COL23A1: variants seen among roughly 807,000 people sequenced by gnomAD.
The protein encoded by COL23A1 is collagen alpha-1(XXIII) chain.
Under a neutral mutation model 99.3 loss-of-function variants are expected in COL23A1, and 97 were observed. The observed-to-expected ratio is 0.98, with a 90% CI of 0.83 to 1.16. COL23A1 has a LOEUF of 1.16. Ranked by LOEUF, COL23A1 falls within the 50% of genes most tolerant of loss-of-function variation. The pLI is 0.00. For synonymous variants in COL23A1, 320 were observed against 308.2 expected (o/e 1.04, Z -0.40); for missense variants, 762 against 757.4 (o/e 1.01, Z -0.07).
intron 25 of COL23A1, among the ~76,000 whole-genome samples, chr5:178,243,094 G>A (rs1022281392): frequency 5.9e-5 from 9 of 152,164 alleles, no homozygotes; most frequent in Non-Finnish European, 1.0e-4. Flanking sequence ...GGAGACTGAG[G>A]CAGGAGAATT....
At chr5:178,405,239 G>T (rs975121599) in intron 2 of COL23A1, among the ~76,000 whole-genome samples, 3 of 152,226 alleles carry the variant, frequency 2.0e-5, no homozygotes, top group African/African-American at 7.2e-5. Context: ...CCTCCACCCT[G>T]ACGTTTCTGC....
rs546891796 is a variant in COL23A1 at position 178,589,372 on chromosome 5, C to T, written c.294+532G>A. ...CCCGAGGCCTCAGTGCGACGGTGAC[C>T]GCTCAGTCTTGGGGCCTGAGCTGCT... On this transcript the variant is annotated intron_variant, in intron 1 of 28. Transcript: ENST00000390654. This position sits in a 1 kb window ranked among gnomAD's most constrained non-coding sequence, Gnocchi z 5.4. Among the ~76,000 whole-genome samples the T allele has an allele frequency of 8.5e-5, 13 of 152,194 alleles. No individual in the cohort carries two copies. Among genetic ancestry groups the T allele is most frequent in the Middle Eastern group, 3.4e-3 (1 of 294 alleles).
At chr5:178,417,398 C>T (rs536705635) in intron 2 of COL23A1, among the ~76,000 whole-genome samples, 28 of 152,306 alleles carry the variant, frequency 1.8e-4, no homozygotes, top group Non-Finnish European at 3.4e-4. Context: ...ACGTGTACCT[C>T]GCCAGTATTT....
At chr5:178,341,499 C>G (rs1021243251) in intron 2 of COL23A1, among the ~76,000 whole-genome samples, 1 of 152,182 alleles carries the variant, frequency 6.6e-6, no homozygotes, top group African/African-American at 2.4e-5. Context: ...AAAGGGGTCC[C>G]CCAGTGAAGG....
At chr5:178,374,521 C>T (rs774184667) in intron 2 of COL23A1, among the ~76,000 whole-genome samples, 3 of 152,188 alleles carry the variant, frequency 2.0e-5, no homozygotes, top group African/African-American at 2.4e-5. Flanking sequence ...GTTTGCATTC[C>T]AGCTCTGCCA....
intron 10 of COL23A1, 93 bp from the exon 11 acceptor site, chr5:178,261,841 C>G: frequency 9.0e-7 from 1 of 1,113,778 alleles, no homozygotes; most frequent in Non-Finnish European, 1.4e-6. Context: ...AAAGGTGACA[C>G]CAATCCCAGA....
At chr5:178,324,703 G>T in intron 2 of COL23A1, among the ~76,000 whole-genome samples, 1 of 152,350 alleles carries the variant, frequency 6.6e-6, no homozygotes, top group Middle Eastern at 3.4e-3. Flanking sequence ...CGCGCACCCA[G>T]CCTCAGGATT....
intron 2 of COL23A1, among the ~76,000 whole-genome samples, chr5:178,396,806 G>A (rs570380115): frequency 1.1e-4 from 16 of 145,172 alleles, no homozygotes; most frequent in Middle Eastern, 3.5e-3. Context: ...AGCTCCAAAC[G>A]TCCAGGCTTG....
chr5:178,356,615 C>G (rs1445806116), intron 2 of COL23A1, among the ~76,000 whole-genome samples: 1 of 142,476 alleles, frequency 7.0e-6, no homozygotes, highest in African/African-American at 2.5e-5. Context: ...GAAGGCGAGA[C>G]ACAGGAAAAA....
At chr5:178,328,290 G>C (rs531319930) in intron 2 of COL23A1, among the ~76,000 whole-genome samples, 15 of 152,150 alleles carry the variant, frequency 9.9e-5, no homozygotes, top group African/African-American at 3.6e-4. Flanking sequence ...TCACCTCTGG[G>C]CCTCCCTTCC....
In COL23A1 at chr5:178,323,786, G is replaced by A. The variant is rs548458438; in HGVS notation, c.362-16867C>T. On this transcript the variant is annotated intron_variant, in intron 2 of 28. Coordinates refer to ENST00000390654, the MANE Select transcript of COL23A1 (RefSeq NM_173465.4). ...CATGTGGACCTACCATGAGCCATGC[G>A]CTGTGCTGGGCTGTCCAGATGTCTG... is the stretch of plus-strand genomic sequence containing the variant. Among the ~76,000 whole-genome samples the A allele has an allele frequency of 4.6e-5, 7 of 152,292 alleles. No homozygotes were observed. The South Asian group carries it at 6.2e-4, about 14-fold the overall frequency.
chr5:178,372,906 TTTTC>T (rs1283745461), intron 2 of COL23A1, among the ~76,000 whole-genome samples: 7 of 123,110 alleles, frequency 5.7e-5, no homozygotes, highest in Admixed American at 3.4e-4. Flanking sequence ...TTTCTTTTCT[TTTTC>T]TTTCTTTCTC....
chr5:178,501,706 C>T (rs987289294), intron 2 of COL23A1, among the ~76,000 whole-genome samples: 1 of 152,246 alleles, frequency 6.6e-6, no homozygotes, highest in Non-Finnish European at 1.5e-5. Flanking sequence ...CTGAGGTACG[C>T]CAACACCCCT....
chr5:178,285,985 T>C (rs1424857196), intron 5 of COL23A1, among the ~76,000 whole-genome samples: 1 of 151,946 alleles, frequency 6.6e-6, no homozygotes, highest in Admixed American at 6.5e-5. Context: ...GCCCAGGTGG[T>C]GGTGTGAGAA....
At chr5:178,514,937 C>T (rs979021808) in intron 2 of COL23A1, among the ~76,000 whole-genome samples, 2 of 152,226 alleles carry the variant, frequency 1.3e-5, no homozygotes, top group African/African-American at 4.8e-5. Flanking sequence ...GACCAAGTCT[C>T]GTTTGTGTTT....
intron 2 of COL23A1, among the ~76,000 whole-genome samples, chr5:178,356,304 C>T (rs570583415): frequency 2.6e-5 from 4 of 152,340 alleles, no homozygotes; most frequent in African/African-American, 9.6e-5. Flanking sequence ...TCTGAACACA[C>T]TGAAAACCAC....
chr5:178,561,879 C>T (rs1581641594), intron 1 of COL23A1: 1 of 323,256 alleles, frequency 3.1e-6, no homozygotes, highest in East Asian at 8.2e-5. Context: ...ACTGGAACAG[C>T]CCAGGACCGG....
chr5:178,471,077 T>C (rs1756720311), intron 2 of COL23A1, among the ~76,000 whole-genome samples: 1 of 152,146 alleles, frequency 6.6e-6, no homozygotes, highest in African/African-American at 2.4e-5. Context: ...GGATTCCTCG[T>C]GTATTGGTCA....
intron 2 of COL23A1, among the ~76,000 whole-genome samples, chr5:178,445,434 T>C (rs932652872): frequency 6.6e-6 from 1 of 152,322 alleles, no homozygotes; most frequent in East Asian, 1.9e-4. Context: ...CTTCTGAAAT[T>C]TTCTTGGCCA....
Sources: allele counts gnomAD v4.1 joint callset (sites outside exome capture counted in the v4.1 genomes callset), GRCh38; gene constraint gnomAD v4.1.1; non-coding constraint Gnocchi (gnomAD v3.1); transcripts MANE v1.5; gene names NCBI Gene and HGNC (gene_info 2026-07-23, HGNC 2026-07-21).